Variants in MCMBP observed in about 807,000 individuals in gnomAD.
MCMBP encodes minichromosome maintenance complex binding protein, also known as mini-chromosome maintenance complex-binding protein.
A neutral mutation model predicts 81.3 loss-of-function variants in MCMBP; 31 were observed. The observed-to-expected ratio is 0.38, with a 90% CI of 0.29 to 0.51. MCMBP has a LOEUF of 0.51. MCMBP is among the 20% of genes least tolerant of loss of function. MCMBP has a pLI of 0.87. For synonymous variants in MCMBP, 267 were observed against 275.9 expected (o/e 0.97, Z 0.32); for missense variants, 645 against 772.1 (o/e 0.84, Z 1.95).
In MCMBP at chr10:119,846,002, G is replaced by A. The variant is rs1239047444; in HGVS notation, c.827+1611C>T. ...AACATGCATGTGAGTGTGTATGTGT[G>A]CATTTAAATGTGGGTGCGTATATAT... is the stretch of plus-strand genomic sequence containing the variant. On this transcript the variant is annotated intron_variant, in intron 8 of 15. Transcript: ENST00000369077. Among the ~76,000 whole-genome samples, 5 of 152,192 alleles carry A rather than the reference G, an allele frequency of 3.3e-5. No individual in the cohort carries two copies. In the South Asian group the frequency reaches 6.2e-4, roughly 19 times the overall value.
intron 1 of MCMBP, among the ~76,000 whole-genome samples, chr10:119,863,219 C>T (rs916053287): frequency 3.6e-4 from 55 of 152,104 alleles, no homozygotes; most frequent in Non-Finnish European, 1.8e-4. Flanking sequence ...GTCTTAAGAA[C>T]TCATTGCCAA....
At chr10:119,868,383 G>A (rs1270181154) in intron 1 of MCMBP, among the ~76,000 whole-genome samples, 1 of 152,114 alleles carries the variant, frequency 6.6e-6, no homozygotes, top group Non-Finnish European at 1.5e-5. Flanking sequence ...CCGAGATCAC[G>A]CCACTGCACT....
Position 119,859,844 on chromosome 10 carries a change from A to T in MCMBP, c.99T>A (p.Ile33=), listed in dbSNP as rs763236392. The T allele has an allele frequency of 5.6e-6, 9 of 1,613,424 alleles. No homozygotes were observed. In the Admixed American group the frequency reaches 1.2e-4, roughly 21 times the overall value. ...CCTTCAGCTTTTCCTTAAAATACTC[A>T]ATTACTTTCTTCTCCCAGTCAGGAT... ...GVNPDWEKKV[I]EYFKEKLKEN... is the part of the protein sequence containing the mutation. Residue 33 remains isoleucine, a synonymous_variant, in exon 2 of 16, where the codon ATT becomes ATA. Coordinates refer to ENST00000369077, the MANE Select transcript of MCMBP (RefSeq NM_001256378.2).
rs1852734326 is a variant in MCMBP at position 119,849,544 on chromosome 10, G to C, written c.607C>G (p.Pro203Ala). ...SVGGLQWCGE[P>A]KRLETEASTG... Reference sequence around the variant, plus strand: ...GAAGCTTCAGTTTCTAAACGTTTTGGCTCTCCACACCATTGAAGACCACCA... The same window carrying C: ...GAAGCTTCAGTTTCTAAACGTTTTGCCTCTCCACACCATTGAAGACCACCA... Residue 203 changes from proline to alanine, a missense_variant, in exon 7 of 16, where the codon CCA (proline) becomes GCA (alanine). Pro to Ala is a conservative substitution (Grantham distance 27). Coordinates refer to ENST00000369077, the MANE Select transcript of MCMBP (RefSeq NM_001256378.2). The C allele has an allele frequency of 6.2e-7, 1 of 1,606,562 alleles. No homozygotes were observed.
In MCMBP at chr10:119,869,780, A is replaced by T. The variant is rs544424583; in HGVS notation, c.58+2747T>A. ...AAACAAAACCCCTAGAACGGATAAG[A>T]TACAGTGACCAAATTCAGATCCTGA... On this transcript the variant is annotated intron_variant, in intron 1 of 15. Transcript: ENST00000369077. Among the ~76,000 whole-genome samples, 14 of 152,284 alleles carry T rather than the reference A, an allele frequency of 9.2e-5. No homozygotes were observed. The South Asian group carries it at 1.9e-3, about 20-fold the overall frequency.
rs1468557197 is a variant in MCMBP at position 119,842,570 on chromosome 10, C to T, written c.1026G>A (p.Leu342=). 3 of 1,613,458 alleles carry T rather than the reference C, an allele frequency of 1.9e-6. No individual in the cohort carries two copies. Among genetic ancestry groups the T allele is most frequent in the African/African-American group, 1.3e-5 (1 of 74,968 alleles). The change falls in exon 10 of 16, where the codon TTG becomes TTA. Residue 342 remains leucine, a synonymous_variant. Coordinates refer to ENST00000369077, the MANE Select transcript of MCMBP (RefSeq NM_001256378.2). The stretch of plus-strand genomic sequence containing the variant: ...CAAGAAGTTCTGCTCTGACTGGAGA[C>T]AATTCGGACATGAAACTTGAAACAA... ...KTFVSSFMSE[L]SPVRAELLGF... is the part of the protein sequence containing the mutation.
At chr10:119,839,262 A>G (rs1237040809) in intron 11 of MCMBP, among the ~76,000 whole-genome samples, 1 of 152,152 alleles carries the variant, frequency 6.6e-6, no homozygotes, top group Non-Finnish European at 1.5e-5. Flanking sequence ...TTAACGAGTA[A>G]GCGAACCATC....
chr10:119,854,198 A>G (rs2134379687), intron 5 of MCMBP, among the ~76,000 whole-genome samples: 1 of 151,892 alleles, frequency 6.6e-6, no homozygotes, highest in Non-Finnish European at 1.5e-5. Flanking sequence ...CCCACCACCA[A>G]GCCCGGCTAG....
chr10:119,831,397 T>C lies in MCMBP; in HGVS notation c.*77A>G. On this transcript the variant is annotated 3_prime_UTR_variant, in exon 16 of 16. Coordinates refer to ENST00000369077, the MANE Select transcript of MCMBP (RefSeq NM_001256378.2). Reference sequence around the variant, plus strand: ...GTGATAGAAATTACCTATAAAACAATGTGGTATAAATGAATATCTGAATTT... The same window carrying C: ...GTGATAGAAATTACCTATAAAACAACGTGGTATAAATGAATATCTGAATTT... 1 of 1,544,278 alleles carries C rather than the reference T, an allele frequency of 6.5e-7. No individual in the cohort carries two copies. Among genetic ancestry groups the C allele is most frequent in the East Asian group, 2.3e-5 (1 of 44,068 alleles).
intron 7 of MCMBP, among the ~76,000 whole-genome samples, chr10:119,847,988 A>C (rs1025367892): frequency 9.2e-5 from 14 of 152,154 alleles, no homozygotes; most frequent in Non-Finnish European, 1.5e-4. Flanking sequence ...TAAAATTAAA[A>C]AAAGCCTTTT....
At chr10:119,850,855 TA>T (rs1162526764) in intron 6 of MCMBP, among the ~76,000 whole-genome samples, 1 of 148,956 alleles carries the variant, frequency 6.7e-6, no homozygotes, top group Non-Finnish European at 1.5e-5. Context: ...AAGTAGAGGC[TA>T]AAAGGTATAC....
chr10:119,857,302 C>A, intron 5 of MCMBP, 36 bp downstream of exon 5: 2 of 1,433,374 alleles, frequency 1.4e-6, no homozygotes, highest in Non-Finnish European at 1.9e-6. Flanking sequence ...TTTTTAGAAA[C>A]CATCAACACA....
intron 11 of MCMBP, among the ~76,000 whole-genome samples, chr10:119,839,407 G>T (rs961607988): frequency 6.6e-6 from 1 of 152,166 alleles, no homozygotes; most frequent in Non-Finnish European, 1.5e-5. Flanking sequence ...GTGGGGGAAG[G>T]CTGTCAAGGA....
intron 5 of MCMBP, among the ~76,000 whole-genome samples, chr10:119,853,450 G>C (rs1852904882): frequency 6.6e-6 from 1 of 152,194 alleles, no homozygotes; most frequent in African/African-American, 2.4e-5. Flanking sequence ...GGACAACAGG[G>C]AGCATAAGGT....
intron 1 of MCMBP, among the ~76,000 whole-genome samples, chr10:119,865,514 C>T (rs973051158): frequency 1.3e-5 from 2 of 152,238 alleles, no homozygotes; most frequent in Non-Finnish European, 2.9e-5. Flanking sequence ...TTGCTTGAAC[C>T]TGGGAAGTAA....
At chr10:119,831,635 A>T in intron 15 of MCMBP, 35 bp from the exon 16 acceptor site, 1 of 1,601,030 alleles carries the variant, frequency 6.2e-7, no homozygotes, top group Non-Finnish European at 8.5e-7. Flanking sequence ...TTAAGTCTAG[A>T]GCTGGGATAG....
At chr10:119,870,316 G>A (rs1853625648) in intron 1 of MCMBP, among the ~76,000 whole-genome samples, 1 of 152,068 alleles carries the variant, frequency 6.6e-6, no homozygotes, top group African/African-American at 2.4e-5. Flanking sequence ...GCGTGGTGGC[G>A]CGGGCCTATA....
chr10:119,849,007 G>A (rs188221045), intron 7 of MCMBP, among the ~76,000 whole-genome samples: 2 of 152,242 alleles, frequency 1.3e-5, no homozygotes, highest in African/African-American at 4.8e-5. Flanking sequence ...GAAATGGGGG[G>A]GATTATCCTC....
intron 15 of MCMBP, 56 bp downstream of exon 15, chr10:119,831,956 C>T: frequency 1.3e-6 from 2 of 1,486,038 alleles, no homozygotes; most frequent in South Asian, 1.2e-5. Flanking sequence ...CTGAATAACT[C>T]AGAAGACATA....
Sources: gnomAD v4.1 joint callset for allele counts (sites outside exome capture counted in the v4.1 genomes callset) on GRCh38, gnomAD v4.1.1 for gene constraint, MANE v1.5 for transcripts, NCBI Gene and HGNC (gene_info 2026-07-23, HGNC 2026-07-21) for gene names.